Variants in TNFRSF13B observed in about 807,000 individuals in gnomAD.
The protein encoded by TNFRSF13B is TNF receptor superfamily member 13B.
Under a neutral mutation model 24.0 loss-of-function variants are expected in TNFRSF13B, and 34 were observed. That is an observed-to-expected ratio of 1.41 (90% CI 1.08 to 1.88). The LOEUF (loss-of-function observed/expected upper bound fraction) is 1.88, where lower values mean the gene tolerates loss of function less well. TNFRSF13B is among the 40% of genes most tolerant of loss of function. The pLI is 0.00. For missense variants in TNFRSF13B, 415 were observed against 380.8 expected (o/e 1.09, Z -0.75); for synonymous variants, 173 against 150.3 (o/e 1.15, Z -1.10).
intron 1 of TNFRSF13B, among the ~76,000 whole-genome samples, chr17:16,963,980 C>T (rs986049647): frequency 6.6e-5 from 10 of 152,010 alleles, no homozygotes; most frequent in African/African-American, 2.4e-4. Flanking sequence ...CCCGATAAGG[C>T]TGCAGCCTGA....
chr17:16,968,607 TCATAGAAGAAAA>T (rs1467426661), intron 1 of TNFRSF13B, among the ~76,000 whole-genome samples: 1 of 152,144 alleles, frequency 6.6e-6, no homozygotes, highest in Non-Finnish European at 1.5e-5. Flanking sequence ...ACCACAGAAC[TCATAGAAGAAAA>T]CATAGAAGTA....
intron 1 of TNFRSF13B, among the ~76,000 whole-genome samples, chr17:16,967,594 A>T (rs113893448): frequency 0.019 from 2,813 of 149,648 alleles, 100 homozygotes; most frequent in African/African-American, 0.065. Flanking sequence ...AAAATATATA[A>T]AAAAAAAATT....
chr17:16,957,177 C>CT (rs35401230), intron 1 of TNFRSF13B, among the ~76,000 whole-genome samples: 22,415 of 135,576 alleles, frequency 0.17, 2,663 homozygotes, highest in East Asian at 0.35. Context: ...TAAAAGTAGT[C>CT]TTTTTTTTTT....
At chr17:16,955,644 C>T (rs2087619756) in intron 1 of TNFRSF13B, among the ~76,000 whole-genome samples, 1 of 152,152 alleles carries the variant, frequency 6.6e-6, no homozygotes, top group African/African-American at 2.4e-5. Context: ...AACTAGGGTA[C>T]ATCATCATAT....
chr17:16,955,109 TC>T (rs2087615772), intron 1 of TNFRSF13B, among the ~76,000 whole-genome samples: 1 of 152,230 alleles, frequency 6.6e-6, no homozygotes, highest in Non-Finnish European at 1.5e-5. Flanking sequence ...CCCTGCCTGA[TC>T]CCACTGGGGC....
intron 1 of TNFRSF13B, among the ~76,000 whole-genome samples, chr17:16,967,683 C>T (rs1251740345): frequency 9.7e-5 from 12 of 123,184 alleles, no homozygotes; most frequent in African/African-American, 2.5e-4. Flanking sequence ...ACCCAGGAGG[C>T]GGGGCTTGCA....
intron 1 of TNFRSF13B, among the ~76,000 whole-genome samples, chr17:16,960,493 A>G (rs2087654847): frequency 6.6e-6 from 1 of 152,198 alleles, no homozygotes; most frequent in Admixed American, 6.5e-5. Flanking sequence ...GAAAACCCTA[A>G]CAATTCCATT....
intron 3 of TNFRSF13B, among the ~76,000 whole-genome samples, chr17:16,943,951 C>T (rs937578673): frequency 3.9e-4 from 59 of 152,308 alleles, no homozygotes; most frequent in African/African-American, 1.4e-3. Flanking sequence ...CAGTAGAACC[C>T]CACGCCAGTC....
At chr17:16,963,415 G>A (rs796364338) in intron 1 of TNFRSF13B, among the ~76,000 whole-genome samples, 39 of 152,330 alleles carry the variant, frequency 2.6e-4, no homozygotes, top group African/African-American at 8.4e-4. Flanking sequence ...GGGTTGGGGC[G>A]ATGGGTGGGC....
rs975103327 is a variant in TNFRSF13B at position 16,967,751 on chromosome 17, CAAAAAA to C, written c.61+4258_61+4263del. Among the ~76,000 whole-genome samples, 16 of 24,502 alleles carry C rather than the reference CAAAAAA, an allele frequency of 6.5e-4. No individual in the cohort carries two copies. The East Asian group carries it at 7.6e-3, about 12-fold the overall frequency. The allele number at this position is 24,502 out of a possible 152,430, so 16.1% of individuals were successfully genotyped here. On this transcript the variant is annotated intron_variant, in intron 1 of 4. Transcript: ENST00000261652. ...TGGGCGACAGAGTGAGACTCCGTCT[CAAAAAA>C]AAAAAAAAAAAAAAAGAAAGAAAGA...
At chr17:16,969,206 C>T (rs573964753) in intron 1 of TNFRSF13B, among the ~76,000 whole-genome samples, 3 of 152,354 alleles carry the variant, frequency 2.0e-5, no homozygotes, top group African/African-American at 7.2e-5. Context: ...TATCTATCTA[C>T]TTAAGAGAAA....
chr17:16,939,399 C>G lies in TNFRSF13B; in HGVS notation c.*148G>C, dbSNP rs2087489320. ...CCTCTGTCTCTCTCTCCCTCTGTCT[C>G]TCTCTCCCTCTCTGTCTCCTCTGTT... On this transcript the variant is annotated 3_prime_UTR_variant, in exon 5 of 5. Transcript: ENST00000261652. 1 of 952,948 alleles carries G rather than the reference C, an allele frequency of 1.0e-6. No homozygotes were observed. The highest frequency in any genetic ancestry group is 1.5e-6 in the Non-Finnish European group (1 of 665,670). 59.0% of individuals were successfully genotyped at this position (952,948 alleles called of 1,614,324 possible). A position where few individuals can be genotyped will look rare whatever the true frequency, so the allele number is the denominator to read the frequency against.
chr17:16,952,956 C>T (rs1041807373), intron 1 of TNFRSF13B, among the ~76,000 whole-genome samples: 3 of 152,318 alleles, frequency 2.0e-5, no homozygotes, highest in African/African-American at 4.8e-5. Context: ...CCAGCCCCTG[C>T]CCCTCAGCTG....
intron 3 of TNFRSF13B, chr17:16,941,348 T>C (rs1567650129): frequency 1.0e-6 from 1 of 987,706 alleles, no homozygotes; most frequent in East Asian, 1.1e-4. Flanking sequence ...GGCCACCCTA[T>C]GACTCAGGAC....
intron 1 of TNFRSF13B, among the ~76,000 whole-genome samples, chr17:16,960,684 A>G (rs1024731447): frequency 6.6e-6 from 1 of 152,200 alleles, no homozygotes; most frequent in Non-Finnish European, 1.5e-5. Context: ...CATGCACTAA[A>G]TTTGACAATG....
In TNFRSF13B at chr17:16,952,529, T is replaced by C. The variant is rs1395976297; in HGVS notation, c.116A>G (p.Tyr39Cys). 6.2e-7 allele frequency: 1 copy of C among 1,614,208 alleles called. No homozygotes were observed. Among genetic ancestry groups the C allele is most frequent in the East Asian group, 2.2e-5 (1 of 44,886 alleles). ...GCAGGTACCCAGCAGAGGATCCCAG[T>C]ACTGCTCTTCGGGGCAGGATCTCAT... ...VAMRSCPEEQ[Y>C]WDPLLGTCMS... Residue 39 changes from tyrosine to cysteine, a missense_variant, in exon 2 of 5, where the codon TAC becomes TGC. By Grantham distance (194) the Tyr-to-Cys change is radical. Transcript: ENST00000261652.
At chr17:16,957,242 G>A (rs1398175459) in intron 1 of TNFRSF13B, among the ~76,000 whole-genome samples, 2 of 148,602 alleles carry the variant, frequency 1.3e-5, no homozygotes, top group Non-Finnish European at 3.0e-5. Flanking sequence ...AGTGAAATAC[G>A]AACCTTAATG....
At chr17:16,947,903 T>C (rs146739549) in intron 3 of TNFRSF13B, among the ~76,000 whole-genome samples, 10 of 152,308 alleles carry the variant, frequency 6.6e-5, no homozygotes, top group African/African-American at 2.4e-4. Flanking sequence ...CACACGTATG[T>C]TCATCACAGC....
At chr17:16,958,534 G>T (rs2087639983) in intron 1 of TNFRSF13B, among the ~76,000 whole-genome samples, 1 of 151,864 alleles carries the variant, frequency 6.6e-6, no homozygotes, top group African/African-American at 2.4e-5. Flanking sequence ...TTTTTGCGTG[G>T]TTTGTAACTC....
Sources: gnomAD v4.1 joint callset for allele counts (sites outside exome capture counted in the v4.1 genomes callset) on GRCh38, gnomAD v4.1.1 for gene constraint, MANE v1.5 for transcripts, NCBI Gene and HGNC (gene_info 2026-07-23, HGNC 2026-07-21) for gene names.